KANK4: variants seen among roughly 807,000 people sequenced by gnomAD.
The protein encoded by KANK4 is KN motif and ankyrin repeat domain-containing protein 4.
Under a neutral mutation model 80.8 loss-of-function variants are expected in KANK4, and 50 were observed. That is an observed-to-expected ratio of 0.62 (90% CI 0.49 to 0.78). The LOEUF (loss-of-function observed/expected upper bound fraction) is 0.78, where lower values mean the gene tolerates loss of function less well. KANK4 is among the 30% of genes least tolerant of loss of function. The pLI is 0.00. For synonymous variants in KANK4, 465 were observed against 506.9 expected, an observed-to-expected ratio of 0.92 and a Z score of 1.11; for missense variants, 1,196 against 1,240.1, an observed-to-expected ratio of 0.96 and a Z score of 0.53.
intron 1 of KANK4, among the ~76,000 whole-genome samples, chr1:62,312,350 G>A (rs975576825): frequency 3.3e-5 from 5 of 152,296 alleles, no homozygotes; most frequent in Non-Finnish European, 7.4e-5. Flanking sequence ...ACTGTGGATT[G>A]TTGCCTACAT....
Position 62,275,094 on chromosome 1 carries a change from G to C in KANK4, c.17-7C>G. On this transcript the variant is annotated splice_region_variant and splice_polypyrimidine_tract_variant and intron_variant, in intron 2 of 9. Transcript: ENST00000371153. ...TGAGAGGACTGGTCTTTGGCTGGGAGACATAAGACAAGTTAAAAAAAAAAA... is the reference window on the plus strand; with the variant it reads ...TGAGAGGACTGGTCTTTGGCTGGGACACATAAGACAAGTTAAAAAAAAAAA... 1 of 1,568,234 alleles carries C rather than the reference G, an allele frequency of 6.4e-7. No homozygotes were observed. Among genetic ancestry groups the C allele is most frequent in the Non-Finnish European group, 8.6e-7 (1 of 1,158,972 alleles).
At chr1:62,241,424 G>A (rs966490095) in intron 9 of KANK4, among the ~76,000 whole-genome samples, 3 of 152,088 alleles carry the variant, frequency 2.0e-5, no homozygotes, top group Non-Finnish European at 2.9e-5. Flanking sequence ...CTCTTTCCCC[G>A]AAAAGCCCTC....
chr1:62,270,718 C>T (rs1047154835), intron 4 of KANK4, among the ~76,000 whole-genome samples: 7 of 152,062 alleles, frequency 4.6e-5, no homozygotes, highest in South Asian at 4.2e-4. Context: ...CCCTTGTTGG[C>T]GTCTAATGTC....
chr1:62,274,326 C>G lies in KANK4; in HGVS notation c.778G>C (p.Val260Leu). The change falls in exon 3 of 10, where the codon GTT becomes CTT. Residue 260 changes from valine (V) to leucine (L), a missense_variant. By Grantham distance (32) the Val-to-Leu change is conservative. Around this residue, in one of 3 missense-constraint regions of KANK4, gnomAD observed 1,154 missense variants for 1,179.6 expected, o/e 0.98. Coordinates refer to ENST00000371153, the MANE Select transcript of KANK4 (RefSeq NM_181712.5). The part of the protein sequence containing the change: ...PPFSFQNVLV[V>L]LEDKEDEHNA... ...TGTTCATCTTCCTTGTCCTCTAGAA[C>G]TACAAGCACATTCTGGAATGAGAAA... 1 of 1,614,182 alleles carries G rather than the reference C, an allele frequency of 6.2e-7. No homozygotes were observed. Among genetic ancestry groups the G allele is most frequent in the Non-Finnish European group, 8.5e-7 (1 of 1,180,034 alleles).
At chr1:62,318,060 C>T (rs988478251) in intron 1 of KANK4, among the ~76,000 whole-genome samples, 1 of 152,170 alleles carries the variant, frequency 6.6e-6, no homozygotes, top group Non-Finnish European at 1.5e-5. Context: ...TTGAGAGGCT[C>T]TAAGCAACCT....
chr1:62,318,883 C>G lies in KANK4; in HGVS notation c.-71+223G>C, dbSNP rs548493257. ...CCGAGCAGCCCCGCTCCTTTTCTGTCGCAGACCCCAGGCTGGGAGGCGGGG... is the reference window on the plus strand; with the variant it reads ...CCGAGCAGCCCCGCTCCTTTTCTGTGGCAGACCCCAGGCTGGGAGGCGGGG... On this transcript the variant is annotated intron_variant, in intron 1 of 9. Transcript: ENST00000371153. Among the ~76,000 whole-genome samples, 797 of 152,330 alleles carry G rather than the reference C, an allele frequency of 5.2e-3. 2 individuals carry two copies. The highest frequency in any genetic ancestry group is 8.4e-3 in the Non-Finnish European group (569 of 68,028).
chr1:62,248,311 T>C (rs921264501), intron 8 of KANK4, among the ~76,000 whole-genome samples: 6 of 152,176 alleles, frequency 3.9e-5, no homozygotes, highest in Admixed American at 1.3e-4. Context: ...AAGCTCTAGT[T>C]CTACTGTTTC....
intron 8 of KANK4, 37 bp downstream of exon 8, chr1:62,253,030 C>T (rs1386009791): frequency 4.4e-6 from 7 of 1,608,316 alleles, no homozygotes; most frequent in Non-Finnish European, 5.1e-6. Flanking sequence ...GGTGCCCCTG[C>T]ATTTACTGAA....
At chr1:62,275,913 A>C (rs1222147583) in intron 2 of KANK4, among the ~76,000 whole-genome samples, 1 of 145,186 alleles carries the variant, frequency 6.9e-6, no homozygotes. Context: ...GGGAAGGGGA[A>C]GGGAAGGGAA....
intron 1 of KANK4, among the ~76,000 whole-genome samples, chr1:62,293,978 G>A (rs1644335683): frequency 6.6e-6 from 1 of 152,216 alleles, no homozygotes; most frequent in Admixed American, 6.5e-5. Context: ...AGATAGGCCT[G>A]CTAGAGCAGG....
intron 1 of KANK4, among the ~76,000 whole-genome samples, chr1:62,289,700 T>C (rs1287951726): frequency 6.6e-6 from 1 of 152,204 alleles, no homozygotes; most frequent in Admixed American, 6.5e-5. Context: ...ATCATAACTA[T>C]TATGATGTAT....
chr1:62,294,801 T>G (rs1402465692), intron 1 of KANK4, among the ~76,000 whole-genome samples: 1 of 152,216 alleles, frequency 6.6e-6, no homozygotes, highest in Non-Finnish European at 1.5e-5. Context: ...CTCGGCAGCA[T>G]GCCAGCCAGA....
At position 62,281,419 on chromosome 1, in the gene KANK4, T is replaced by C. The variant is rs1362375081; in HGVS notation, c.16+130A>G. The C allele has an allele frequency of 3.4e-5, 37 of 1,103,720 alleles. No individual in the cohort carries two copies. In the East Asian group the frequency reaches 7.5e-4, roughly 22 times the overall value. The allele number at this position is 1,103,720 out of a possible 1,614,324, so 68.4% of individuals were successfully genotyped here. On this transcript the variant is annotated intron_variant, in intron 2 of 9. Transcript: ENST00000371153. ...AAAATCTGAAATACATGCTTGAGCC[T>C]ACCAGCACTGCCTGTTTGAGGGATA...
chr1:62,268,856 G>C (rs1301011681), intron 4 of KANK4, among the ~76,000 whole-genome samples: 1 of 152,214 alleles, frequency 6.6e-6, no homozygotes, highest in East Asian at 1.9e-4. Context: ...TCTCATGAAA[G>C]CATTTGCTTG....
chr1:62,274,592 T>C lies in KANK4; in HGVS notation c.512A>G (p.His171Arg), dbSNP rs41309173. The change falls in exon 3 of 10, where the codon CAC (histidine) becomes CGC (arginine). Residue 171 changes from histidine (H) to arginine (R), a missense_variant. Physicochemically the swap from His to Arg is conservative, Grantham distance 29. Around this residue, in one of 3 missense-constraint regions of KANK4, gnomAD observed 1,154 missense variants for 1,179.6 expected, o/e 0.98. Coordinates refer to ENST00000371153, the MANE Select transcript of KANK4 (RefSeq NM_181712.5). ...GCCTGGCTCCTCAGAAGCCCTGCTG[T>C]GCAGCAGCGTGGCAGGCATGCTGGA... ...RASSMPATLL[H>R]SRASEEPGLS... is the part of the protein sequence containing the mutation. 57,200 of 1,613,964 alleles carry C rather than the reference T, an allele frequency of 0.035. 1,179 individuals are homozygous for C. Among genetic ancestry groups the C allele is most frequent in the Non-Finnish European group, 0.039 (46,348 of 1,179,906 alleles).
At chr1:62,266,165 C>T (rs1035038478) in intron 6 of KANK4, among the ~76,000 whole-genome samples, 3 of 152,210 alleles carry the variant, frequency 2.0e-5, no homozygotes, top group Non-Finnish European at 2.9e-5. Flanking sequence ...ACATGGGAAG[C>T]GCCTCTGAGC....
At chr1:62,288,114 T>C (rs1210818293) in intron 1 of KANK4, among the ~76,000 whole-genome samples, 1 of 152,026 alleles carries the variant, frequency 6.6e-6, no homozygotes, top group African/African-American at 2.4e-5. Context: ...CTCAGACGTA[T>C]GTTTAAGACC....
intron 1 of KANK4, among the ~76,000 whole-genome samples, chr1:62,298,637 C>T (rs934892097): frequency 6.6e-6 from 1 of 152,202 alleles, no homozygotes; most frequent in Non-Finnish European, 1.5e-5. Flanking sequence ...CACTCTAGCC[C>T]TTGAAGCCAG....
chr1:62,279,374 G>C (rs915978365), intron 2 of KANK4, among the ~76,000 whole-genome samples: 3 of 152,178 alleles, frequency 2.0e-5, no homozygotes, highest in South Asian at 4.1e-4. Flanking sequence ...CCTCACATGC[G>C]GCTCTGCTCC....
Sources: gnomAD v4.1 joint callset for allele counts (sites outside exome capture counted in the v4.1 genomes callset) on GRCh38, gnomAD v4.1.1 for gene constraint, gnomAD v4.1.1 regional missense constraint, MANE v1.5 for transcripts, NCBI Gene and HGNC (gene_info 2026-07-23, HGNC 2026-07-21) for gene names.